The following ZNF263 variants were observed in gnomAD, a reference collection of about 807,000 sequenced individuals.
ZNF263 encodes zinc finger protein 263.
A neutral mutation model predicts 63.1 loss-of-function variants in ZNF263; 49 were observed. The ratio of observed to expected loss-of-function variants is 0.78; its 90% CI spans 0.62 to 0.99. ZNF263 has a LOEUF of 0.99. ZNF263 is among the 50% of genes least tolerant of loss of function. The pLI is 0.00. For missense variants in ZNF263, 872 were observed against 854.8 expected (o/e 1.02, Z -0.25); for synonymous variants, 352 against 324.2 (o/e 1.09, Z -0.92).
chr16:3,299,846 A>G, intron 2 of ZNF263: 1 of 1,592,110 alleles, frequency 6.3e-7, no homozygotes, highest in Non-Finnish European at 8.5e-7. Context: ...TCTCTGGTGA[A>G]CCAAACATCT....
At chr16:3,298,711 C>A (rs983571036) in intron 1 of ZNF263, 1 of 278,632 alleles carries the variant, frequency 3.6e-6, no homozygotes, top group Non-Finnish European at 6.6e-6. Flanking sequence ...ATGCTTTTCG[C>A]AAAGGCATTC....
Position 3,289,656 on chromosome 16 carries a change from G to A in ZNF263, c.1150G>A (p.Gly384Ser). ...GAAACTCCATTTATGTCCCTTGTGT[G>A]GCAAAAATTTCTCTAACAACTCAAA... ...PKKLHLCPLC[G>S]KNFSNNSNLI... Residue 384 changes from glycine to serine, a missense_variant, in exon 6 of 6, where the codon GGC becomes AGC. Coordinates refer to ENST00000219069, the MANE Select transcript of ZNF263 (RefSeq NM_005741.5). 1 of 1,614,198 alleles carries A rather than the reference G, an allele frequency of 6.2e-7. No homozygotes were observed. The highest frequency in any genetic ancestry group is 1.1e-5 in the South Asian group (1 of 91,086).
downstream of ZNF263, among the ~76,000 whole-genome samples, chr16:3,296,021 G>A (rs532250027): frequency 3.4e-4 from 52 of 152,306 alleles, no homozygotes; most frequent in African/African-American, 1.1e-3. Flanking sequence ...CGCAGAGACT[G>A]AGCCCCTGCT....
rs1465937776 is a variant in ZNF263, at chr16:3,283,620, C to T, written c.-199C>T. On this transcript the variant is annotated 5_prime_UTR_variant, in exon 1 of 6. Transcript: ENST00000219069. ...TCCTGGCGCAGATGGGCCACGGGGC[C>T]GGCGTGGCGGCGCCTGGGACCGACT... is the stretch of plus-strand genomic sequence containing the variant. 9.5e-6 allele frequency: 7 copies of T among 735,480 alleles called. No individual in the cohort carries two copies. The highest frequency in any genetic ancestry group is 7.0e-5 in the East Asian group (2 of 28,516). The allele number at this position is 735,480 out of a possible 1,614,324, so 45.6% of individuals were successfully genotyped here.
downstream of ZNF263, among the ~76,000 whole-genome samples, chr16:3,294,126 C>T (rs1251101401): frequency 6.6e-6 from 1 of 152,188 alleles, no homozygotes; most frequent in Non-Finnish European, 1.5e-5. Context: ...CGGGTTTCAC[C>T]ATGTTAGCCA....
chr16:3,300,446 G>A (rs1249673595), intron 2 of ZNF263: 2 of 1,614,110 alleles, frequency 1.2e-6, no homozygotes, highest in African/African-American at 1.3e-5. Context: ...TCCTGCTTCA[G>A]TACAAAGTCC....
At position 3,298,997 on chromosome 16, in the gene ZNF263, T is replaced by C. The variant is rs367867234; in HGVS notation, c.152-109T>C. ...TTAGAACCAGAAGTTGAAGGCCCAC[T>C]GAAGGAGTCCTTAATATTATGAGGC... On this transcript the variant is annotated intron_variant, in intron 1 of 2. Coordinates refer to the ZNF263 transcript ENST00000574674. 16 of 1,324,772 alleles carry C rather than the reference T, an allele frequency of 1.2e-5. No homozygotes were observed. The African/African-American group carries it at 2.3e-4, about 19-fold the overall frequency. 82.1% of individuals were successfully genotyped at this position (1,324,772 alleles called of 1,614,324 possible). A position where few individuals can be genotyped will look rare whatever the true frequency, so the allele number is the denominator to read the frequency against.
At chr16:3,286,205 C>T in intron 4 of ZNF263, 56 bp downstream of exon 4, 1 of 1,528,194 alleles carries the variant, frequency 6.5e-7, no homozygotes, top group Admixed American at 2.4e-5. Context: ...AGGGTCCTGC[C>T]CGTTATTCAT....
chr16:3,283,995 C>A lies in ZNF263; in HGVS notation c.177C>A (p.Leu59=). The A allele has an allele frequency of 6.2e-7, 1 of 1,613,914 alleles. No homozygotes were observed. The highest frequency in any genetic ancestry group is 8.5e-7 in the Non-Finnish European group (1 of 1,179,982). Residue 59 remains leucine (L), a synonymous_variant, in exon 1 of 6, where the codon CTC becomes CTA. Coordinates refer to ENST00000219069, the MANE Select transcript of ZNF263 (RefSeq NM_005741.5). ...AGGCAGCTGGTCCCCGGGAAGCCCT[C>A]AGCCGGCTCCAAGAGCTTTGCCATG... is the stretch of plus-strand genomic sequence containing the variant. ...FQEAAGPREA[L]SRLQELCHGW...
Position 3,291,071 on chromosome 16 carries a change from G to T in ZNF263, c.*513G>T, listed in dbSNP as rs933450084. On this transcript the variant is annotated 3_prime_UTR_variant, in exon 6 of 6. Transcript: ENST00000219069. ...CTGTCCCGAAGGCCCCAGTTGGGAA[G>T]CCATGGGCAGTCCAGATCAAGCCAC... 1.0e-6 allele frequency: 1 copy of T among 993,328 alleles called. No individual in the cohort carries two copies. The highest frequency in any genetic ancestry group is 1.7e-5 in the African/African-American group (1 of 57,268). The allele number at this position is 993,328 out of a possible 1,614,324, so 61.5% of individuals were successfully genotyped here.
Position 3,289,435 on chromosome 16 carries a change from G to T in ZNF263, c.929G>T (p.Cys310Phe), listed in dbSNP as rs220379. 1.3e-6 allele frequency: 2 copies of T among 1,523,922 alleles called. No individual in the cohort carries two copies. Among genetic ancestry groups the T allele is most frequent in the African/African-American group, 1.4e-5 (1 of 71,738 alleles). The allele number at this position is 1,523,922 out of a possible 1,614,324, so 94.4% of individuals were successfully genotyped here. A position where few individuals can be genotyped will look rare whatever the true frequency, so the allele number is the denominator to read the frequency against. The change falls in exon 6 of 6, where the codon TGC becomes TTC. Residue 310 changes from cysteine to phenylalanine, a missense_variant. Physicochemically the swap from Cys to Phe is radical, Grantham distance 205. Coordinates refer to ENST00000219069, the MANE Select transcript of ZNF263 (RefSeq NM_005741.5). ...AACCTGGAAGGTGTTCCGTCTGTAT[G>T]CTCTGAGAACATCCACCCTCAGGTG... ...FENLEGVPSV[C>F]SENIHPQVLL...
chr16:3,299,508 G>A (rs1269508054), intron 2 of ZNF263: 1 of 1,532,928 alleles, frequency 6.5e-7, no homozygotes, highest in Non-Finnish European at 8.7e-7. Flanking sequence ...TTTTAATTTT[G>A]GAAACTCCTT....
At position 3,286,118 on chromosome 16, in the gene ZNF263, G is replaced by A. The variant is rs1334664090; in HGVS notation, c.738G>A (p.Val246=). 2 of 1,605,786 alleles carry A rather than the reference G, an allele frequency of 1.2e-6. No individual in the cohort carries two copies. Among genetic ancestry groups the A allele is most frequent in the Non-Finnish European group, 1.7e-6 (2 of 1,177,736 alleles). ...PSKRALSRDT[V]QESYENVDSL... The stretch of plus-strand genomic sequence containing the variant: ...AGAGGGCCCTCTCCAGGGACACGGT[G>A]CAGGAGAGTTATGAGAATGTGGACT... The change falls in exon 4 of 6, where the codon GTG becomes GTA. Residue 246 remains valine, a synonymous_variant. Transcript: ENST00000219069.
At chr16:3,299,972 A>G (rs1255235770) in intron 2 of ZNF263, 7 of 1,614,076 alleles carry the variant, frequency 4.3e-6, no homozygotes, top group East Asian at 2.2e-5. Context: ...GCATTTGCAC[A>G]TAAAAAGGCA....
chr16:3,299,014 T>C, intron 1 of ZNF263: 1 of 1,356,092 alleles, frequency 7.4e-7, no homozygotes. Flanking sequence ...GTCCTTAATA[T>C]TATGAGGCCT....
Position 3,289,477 on chromosome 16 carries a change from C to A in ZNF263, c.971C>A (p.Ala324Asp). The change falls in exon 6 of 6, where the codon GCC (alanine) becomes GAC (aspartate). Residue 324 changes from alanine (A) to aspartate (D), a missense_variant. By Grantham distance (126) the Ala-to-Asp change is moderately radical (BLOSUM62 -2). Coordinates refer to ENST00000219069, the MANE Select transcript of ZNF263 (RefSeq NM_005741.5). ...CCTCAGGTGCTGCTTCCTGACCAGG[C>A]CCGAGGGGAGGTGCCCTGGAGTCCT... ...IHPQVLLPDQ[A>D]RGEVPWSPEL... 1 of 1,547,538 alleles carries A rather than the reference C, an allele frequency of 6.5e-7. No homozygotes were observed. The highest frequency in any genetic ancestry group is 1.8e-4 in the Middle Eastern group (1 of 5,694).
At position 3,291,107 on chromosome 16, in the gene ZNF263, A is replaced by G; in HGVS notation, c.*549A>G. 1 of 988,198 alleles carries G rather than the reference A, an allele frequency of 1.0e-6. No homozygotes were observed. The highest frequency in any genetic ancestry group is 1.2e-6 in the Non-Finnish European group (1 of 831,590). The allele number at this position is 988,198 out of a possible 1,614,324, so 61.2% of individuals were successfully genotyped here. On this transcript the variant is annotated 3_prime_UTR_variant, in exon 6 of 6. Transcript: ENST00000219069. ...TCCAGATCAAGCCACCACGTGCCCT[A>G]CGATGGCCTAACAGGAGTGCCCATT...
Position 3,283,678 on chromosome 16 carries a change from G to C in ZNF263, c.-141G>C, listed in dbSNP as rs372032968. On this transcript the variant is annotated 5_prime_UTR_variant, in exon 1 of 6. Transcript: ENST00000219069. ...AGGCGCCGGAGCCGGCCGCGCCTGG[G>C]CTGGAGCGGGGCTCCTCGGCCTGGA... 8.3e-5 allele frequency: 108 copies of C among 1,308,148 alleles called. No homozygotes were observed. In the Admixed American group the frequency reaches 8.7e-4, roughly 11 times the overall value. The allele number at this position is 1,308,148 out of a possible 1,614,324, so 81.0% of individuals were successfully genotyped here. A position where few individuals can be genotyped will look rare whatever the true frequency, so the allele number is the denominator to read the frequency against.
rs1167040483 is a variant in ZNF263, at chr16:3,285,687, C to G, written c.575C>G (p.Ser192Cys). 1 of 1,614,142 alleles carries G rather than the reference C, an allele frequency of 6.2e-7. No individual in the cohort carries two copies. Among genetic ancestry groups the G allele is most frequent in the South Asian group, 1.1e-5 (1 of 91,090 alleles). The change falls in exon 3 of 6, where the codon TCT becomes TGT. Residue 192 changes from serine (S) to cysteine (C), a missense_variant. Transcript: ENST00000219069. Reference protein sequence around the residue: ...DPQAVKERALSAPWLSLFPPE... With the variant: ...DPQAVKERALCAPWLSLFPPE... ...TAATTTCTGTCACCTTCAGCATTAT[C>G]TGCTCCCTGGCTTTCTCTTTTTCCT...
Sources: gnomAD v4.1 joint callset for allele counts (sites outside exome capture counted in the v4.1 genomes callset) on GRCh38, gnomAD v4.1.1 for gene constraint, MANE v1.5 for transcripts, NCBI Gene and HGNC (gene_info 2026-07-23, HGNC 2026-07-21) for gene names.